SNX7: variants seen among roughly 807,000 people sequenced by gnomAD.
SNX7 encodes the protein sorting nexin-7.
In SNX7, 35 loss-of-function variants were observed where a neutral mutation model predicts 48.4. The observed-to-expected ratio is 0.72, with a 90% confidence interval of 0.55 to 0.96. The LOEUF (loss-of-function observed/expected upper bound fraction) is 0.96, where lower values mean the gene tolerates loss of function less well. SNX7 is among the 40% of genes least tolerant of loss of function. The pLI is 0.00. For missense variants in SNX7, 553 were observed against 548.9 expected (o/e 1.01, Z -0.07); for synonymous variants, 190 against 190.2 (o/e 1.00, Z 0.01).
At chr1:98,710,378 G>A (rs1406583547) in intron 7 of SNX7, among the ~76,000 whole-genome samples, 4 of 152,216 alleles carry the variant, frequency 2.6e-5, no homozygotes, top group East Asian at 1.9e-4. Flanking sequence ...GAGAGGCAGC[G>A]TAACAATGTT....
intron 4 of SNX7, among the ~76,000 whole-genome samples, chr1:98,694,596 ATTTTTTTTTTTTT>A (rs764330196): frequency 3.8e-5 from 2 of 53,200 alleles, no homozygotes; most frequent in East Asian, 6.0e-4. Flanking sequence ...TTGCTCTGGG[ATTTTTTTTTTTTT>A]TTTTTTTTTT....
chr1:98,756,168 A>G (rs1654837346), intron 8 of SNX7, among the ~76,000 whole-genome samples: 1 of 151,932 alleles, frequency 6.6e-6, no homozygotes, highest in African/African-American at 2.4e-5. Flanking sequence ...TTCAGGTAGT[A>G]TTATACTTCA....
At chr1:98,694,365 G>A (rs1255477184) in intron 4 of SNX7, among the ~76,000 whole-genome samples, 13 of 130,768 alleles carry the variant, frequency 9.9e-5, no homozygotes, top group Admixed American at 1.6e-4. Context: ...GCGAGACTCC[G>A]TCTCAAAAAA....
chr1:98,679,540 A>T (rs1419184435), intron 1 of SNX7, among the ~76,000 whole-genome samples: 1 of 152,190 alleles, frequency 6.6e-6, no homozygotes, highest in Non-Finnish European at 1.5e-5. Flanking sequence ...AGACAAGGCA[A>T]GTCCCTTCCA....
At chr1:98,694,052 G>T (rs1651293969) in intron 4 of SNX7, among the ~76,000 whole-genome samples, 1 of 152,172 alleles carries the variant, frequency 6.6e-6, no homozygotes, top group Non-Finnish European at 1.5e-5. Context: ...GGTTAAGTAT[G>T]AAATAACTAG....
intron 7 of SNX7, among the ~76,000 whole-genome samples, chr1:98,715,452 G>C (rs888417487): frequency 2.0e-5 from 3 of 152,124 alleles, no homozygotes; most frequent in Admixed American, 6.6e-5. Flanking sequence ...CACTATAAAA[G>C]TCACTCTTTT....
At chr1:98,661,702 G>T, upstream of SNX7, 1 of 1,204,910 alleles carries the variant, frequency 8.3e-7, no homozygotes, top group Admixed American at 4.4e-5. Context: ...GGCGGCGGCG[G>T]TGGCGGCCGG....
At chr1:98,714,630 A>G (rs1178374573) in intron 7 of SNX7, among the ~76,000 whole-genome samples, 2 of 152,192 alleles carry the variant, frequency 1.3e-5, no homozygotes, top group African/African-American at 2.4e-5. Flanking sequence ...CTGAATCATC[A>G]TAAGGGGCCA....
At chr1:98,750,873 T>C (rs1654546970) in intron 8 of SNX7, among the ~76,000 whole-genome samples, 1 of 152,060 alleles carries the variant, frequency 6.6e-6, no homozygotes, top group Non-Finnish European at 1.5e-5. Flanking sequence ...AGAAGTAAAA[T>C]TTTATGTTTG....
At chr1:98,730,575 G>A (rs1466737719) in intron 7 of SNX7, among the ~76,000 whole-genome samples, 2 of 151,996 alleles carry the variant, frequency 1.3e-5, no homozygotes, top group Non-Finnish European at 2.9e-5. Context: ...ACAAATAAAT[G>A]TGCGGAAATC....
chr1:98,750,670 C>T (rs188274967), intron 8 of SNX7, among the ~76,000 whole-genome samples: 1 of 151,938 alleles, frequency 6.6e-6, no homozygotes, highest in East Asian at 1.9e-4. Context: ...GGTTTCAAAG[C>T]TGCTAAACGA....
Position 98,684,949 on chromosome 1 carries a change from T to A in SNX7, c.245T>A (p.Ile82Lys). 6.3e-7 allele frequency: 1 copy of A among 1,599,532 alleles called. No homozygotes were observed. Among genetic ancestry groups the A allele is most frequent in the Non-Finnish European group, 8.5e-7 (1 of 1,171,930 alleles). Residue 82 changes from isoleucine (I) to lysine (K), a missense_variant, in exon 2 of 9, where the codon ATA becomes AAA. By Grantham distance (102) the Ile-to-Lys change is moderately radical. Transcript: ENST00000306121. Reference sequence around the variant, plus strand: ...ATGCCAACATCCCCTTTATCAATGATAAACCAAATCAAGTTTGAGGATGAA... The same window carrying A: ...ATGCCAACATCCCCTTTATCAATGAAAAACCAAATCAAGTTTGAGGATGAA... ...PMMPTSPLSM[I>K]NQIKFEDEPD...
intron 7 of SNX7, among the ~76,000 whole-genome samples, chr1:98,727,752 A>G (rs544858327): frequency 4.4e-4 from 67 of 152,232 alleles, no homozygotes; most frequent in African/African-American, 1.5e-3. Flanking sequence ...CATAGTATCA[A>G]TAACCGAATA....
intron 7 of SNX7, among the ~76,000 whole-genome samples, chr1:98,726,625 A>C (rs1395598498): frequency 6.6e-6 from 1 of 151,800 alleles, no homozygotes; most frequent in East Asian, 1.9e-4. Flanking sequence ...AGGAATATCC[A>C]TTGAATATGG....
rs77488262 is a variant in SNX7 at position 98,706,360 on chromosome 1, G to A, written c.1125+4457G>A. On this transcript the variant is annotated intron_variant, in intron 7 of 8. Coordinates refer to ENST00000306121, the MANE Select transcript of SNX7 (RefSeq NM_015976.5). ...TGGGGGAAGAGCCTTTCAGGCAGAG[G>A]GGACAGTACATGCACAATGAAAGTA... is the stretch of plus-strand genomic sequence containing the variant. Among the ~76,000 whole-genome samples, 1,296 of 152,180 alleles carry A rather than the reference G, an allele frequency of 8.5e-3. 18 individuals are homozygous for A. The highest frequency in any genetic ancestry group is 0.03 in the African/African-American group (1,239 of 41,504).
intron 1 of SNX7, among the ~76,000 whole-genome samples, chr1:98,667,668 C>A (rs959097685): frequency 6.6e-6 from 1 of 152,046 alleles, no homozygotes; most frequent in Admixed American, 6.5e-5. Context: ...AGGTGTGAGC[C>A]ACCACACCTG....
intron 4 of SNX7, among the ~76,000 whole-genome samples, chr1:98,692,670 A>G (rs760542050): frequency 1.3e-5 from 2 of 152,120 alleles, no homozygotes; most frequent in African/African-American, 2.4e-5. Context: ...AGATATTCAC[A>G]ACACTGGAGC....
intron 7 of SNX7, among the ~76,000 whole-genome samples, chr1:98,711,596 CATT>C (rs936036768): frequency 2.0e-5 from 3 of 152,114 alleles, no homozygotes; most frequent in African/African-American, 7.2e-5. Context: ...AAAAAGATGT[CATT>C]GTTAAAAATG....
intron 4 of SNX7, among the ~76,000 whole-genome samples, chr1:98,694,966 A>G (rs1651371844): frequency 6.6e-6 from 1 of 152,078 alleles, no homozygotes; most frequent in South Asian, 2.1e-4. Flanking sequence ...CTTCTGTAAA[A>G]TGAGGAAAAT....
Sources: gnomAD v4.1 joint callset for allele counts (sites outside exome capture counted in the v4.1 genomes callset) on GRCh38, gnomAD v4.1.1 for gene constraint, MANE v1.5 for transcripts, NCBI Gene and HGNC (gene_info 2026-07-23, HGNC 2026-07-21) for gene names.